KMT2C: variants seen among roughly 807,000 people sequenced by gnomAD.
KMT2C encodes histone-lysine N-methyltransferase 2C.
A neutral mutation model predicts 507.9 loss-of-function variants in KMT2C; 88 were observed. The ratio of observed to expected loss-of-function variants is 0.17; its 90% CI spans 0.15 to 0.21. The LOEUF is 0.21. Among genes scored for constraint, KMT2C ranks in the 10% least tolerant of loss-of-function variants. The pLI is 1.00. For synonymous variants in KMT2C, 2,049 were observed against 2,080.8 expected (o/e 0.98, Z 0.42); for missense variants, 4,954 against 5,957.8 (o/e 0.83, Z 5.55).
chr7:152,344,077 TTGCTTATGTATAAATACATA>T (rs777742796), intron 2 of KMT2C, among the ~76,000 whole-genome samples: 42 of 152,348 alleles, frequency 2.8e-4, no homozygotes, highest in Non-Finnish European at 5.4e-4. Context: ...TCAATTATGA[TTGCTTATGTATAAATACATA>T]TGCTTATGTA....
intron 6 of KMT2C, among the ~76,000 whole-genome samples, chr7:152,303,987 T>C (rs1175558120): frequency 6.6e-6 from 1 of 151,382 alleles, no homozygotes; most frequent in Non-Finnish European, 1.5e-5. Context: ...AGACTATGTC[T>C]CCAAAAACAA....
At chr7:152,310,305 G>A (rs1251345596) in intron 5 of KMT2C, among the ~76,000 whole-genome samples, 1 of 152,200 alleles carries the variant, frequency 6.6e-6, no homozygotes, top group Non-Finnish European at 1.5e-5. Flanking sequence ...TCTGGGTGCA[G>A]TGGCTCACTC....
intron 52 of KMT2C, among the ~76,000 whole-genome samples, chr7:152,147,325 CTTATGACAATGT>C: frequency 6.6e-6 from 1 of 152,114 alleles, no homozygotes; most frequent in African/African-American, 2.4e-5. Context: ...TATACATTGT[CTTATGACAATGT>C]ATACAGTATG....
intron 7 of KMT2C, among the ~76,000 whole-genome samples, chr7:152,269,639 T>C (rs1198883149): frequency 1.3e-5 from 2 of 152,196 alleles, no homozygotes; most frequent in Non-Finnish European, 2.9e-5. Context: ...CCAGGTCTAT[T>C]TGGATTCTAA....
At chr7:152,178,741 T>C (rs1587969296) in intron 37 of KMT2C, among the ~76,000 whole-genome samples, 1 of 151,848 alleles carries the variant, frequency 6.6e-6, no homozygotes, top group African/African-American at 2.4e-5. Context: ...ACAACTAAGG[T>C]AGAAGAAAAG....
chr7:152,262,953 T>C, intron 9 of KMT2C, 63 bp downstream of exon 9: 1 of 1,231,520 alleles, frequency 8.1e-7, no homozygotes, highest in South Asian at 1.4e-5. Flanking sequence ...AGGTATCCGA[T>C]TTGTCTGGTC....
At position 152,169,192 on chromosome 7, in the gene KMT2C, A is replaced by G. The variant is rs200919055; in HGVS notation, c.9511T>C (p.Phe3171Leu). Reference sequence around the variant, plus strand: ...TTATTAGATTTATACTTACTGACAAAGCCTGGACCAAAATTTGGAGGATTA... The same window carrying G: ...TTATTAGATTTATACTTACTGACAAGGCCTGGACCAAAATTTGGAGGATTA... Reference protein sequence around the residue: ...RPNPPNFGPGFVNDSQRKQYE... With the variant: ...RPNPPNFGPGLVNDSQRKQYE... Residue 3171 changes from phenylalanine (F) to leucine (L), a missense_variant, in exon 41 of 59, where the codon TTT becomes CTT. Phe to Leu is a conservative substitution (Grantham distance 22, BLOSUM62 0). Transcript: ENST00000262189. 7.6e-6 allele frequency: 12 copies of G among 1,584,664 alleles called. No homozygotes were observed. The Admixed American group carries it at 1.5e-4, about 20-fold the overall frequency.
intron 7 of KMT2C, among the ~76,000 whole-genome samples, chr7:152,265,493 C>A (rs1202634584): frequency 6.6e-6 from 1 of 152,058 alleles, no homozygotes; most frequent in Admixed American, 6.6e-5. Context: ...ATTCCTAATG[C>A]CAATGATAAT....
intron 2 of KMT2C, among the ~76,000 whole-genome samples, chr7:152,350,349 AG>A (rs1281920105): frequency 6.6e-6 from 1 of 152,242 alleles, no homozygotes; most frequent in Non-Finnish European, 1.5e-5. Flanking sequence ...GTGTGTGTAT[AG>A]ATCTATGTAA....
Position 152,310,037 on chromosome 7 carries a change from G to C in KMT2C, c.778C>G (p.Leu260Val). ...WAHHRCVEWS[L>V]GVCQMEEPLL... ...GGTTCTTCCATCTGGCATACTCCTA[G>C]TGACCACTCCACACAACGGTGATGA... The change falls in exon 6 of 59, where the codon CTA (leucine) becomes GTA (valine). Residue 260 changes from leucine (L) to valine (V), a missense_variant. Leu to Val is a conservative substitution (Grantham distance 32, BLOSUM62 1). Transcript: ENST00000262189. The C allele has an allele frequency of 6.2e-7, 1 of 1,613,812 alleles. No homozygotes were observed. The highest frequency in any genetic ancestry group is 1.3e-5 in the African/African-American group (1 of 74,968).
Position 152,181,874 on chromosome 7 carries a change from T to C in KMT2C, c.5986A>G (p.Lys1996Glu), listed in dbSNP as rs2093445307. Residue 1996 changes from lysine (K) to glutamate (E), a missense_variant, in exon 36 of 59, where the codon AAA becomes GAA. Around this residue, in one of 29 missense-constraint regions of KMT2C, gnomAD observed 1,689 missense variants for 1,654.3 expected, o/e 1.02. Coordinates refer to ENST00000262189, the MANE Select transcript of KMT2C (RefSeq NM_170606.3). ...CTGGTTCCAGCTGCTATAGGGCCTT[T>C]TGCAGTTTGTTCTGAAACTACAGGA... is the stretch of plus-strand genomic sequence containing the variant. Reference protein sequence around the residue: ...RSPVVSEQTAKGPIAAGTSDH... With the variant: ...RSPVVSEQTAEGPIAAGTSDH... 1 of 1,614,194 alleles carries C rather than the reference T, an allele frequency of 6.2e-7. No homozygotes were observed. The highest frequency in any genetic ancestry group is 8.5e-7 in the Non-Finnish European group (1 of 1,180,034).
intron 19 of KMT2C, 57 bp from the exon 20 acceptor site, chr7:152,224,236 C>G: frequency 3.9e-6 from 6 of 1,531,438 alleles, no homozygotes; most frequent in Non-Finnish European, 5.4e-6. Context: ...TACTCAGTTA[C>G]TGTAATTCAG....
rs1215200918 is a variant in KMT2C, at chr7:152,290,280, ATATATATATATATATTTTTTTTT to A, written c.850-16436_850-16414del. ...TGTGTATATATATATATATATATATATATATATATATATATTTTTTTTTTTTTTTTTTTTTTTTTTTTTTGTCT... is the reference window on the plus strand; with the variant it reads ...TGTGTATATATATATATATATATATATTTTTTTTTTTTTTTTTTTTTGTCT... On this transcript the variant is annotated intron_variant, in intron 6 of 58. Transcript: ENST00000262189. 6.6e-4 allele frequency among the ~76,000 whole-genome samples: 21 copies of A among 31,938 alleles called. 1 individual carries two copies. Among genetic ancestry groups the A allele is most frequent in the African/African-American group, 2.5e-3 (19 of 7,500 alleles). 21.0% of individuals were successfully genotyped at this position (31,938 alleles called of 152,430 possible).
At chr7:152,257,006 T>C (rs1306595075) in intron 9 of KMT2C, among the ~76,000 whole-genome samples, 1 of 152,184 alleles carries the variant, frequency 6.6e-6, no homozygotes, top group African/African-American at 2.4e-5. Flanking sequence ...CTTCTAGGAA[T>C]TTACCCTACA....
Position 152,417,102 on chromosome 7 carries a change from T to C in KMT2C, c.161+18524A>G, listed in dbSNP as rs1260231588. On this transcript the variant is annotated intron_variant, in intron 1 of 58. Coordinates refer to ENST00000262189, the MANE Select transcript of KMT2C (RefSeq NM_170606.3). ...ATTTATCTCAAAAAAAGAGTTTATATTTATTGCTTGCTAAGGCATCAAATA... is the reference window on the plus strand; with the variant it reads ...ATTTATCTCAAAAAAAGAGTTTATACTTATTGCTTGCTAAGGCATCAAATA... 2.0e-5 allele frequency among the ~76,000 whole-genome samples: 3 copies of C among 151,402 alleles called. No individual in the cohort carries two copies. In the East Asian group the frequency reaches 5.8e-4, roughly 29 times the overall value.
At chr7:152,143,694 GAGGAAAGCAATCA>G (rs1323485027) in intron 55 of KMT2C, among the ~76,000 whole-genome samples, 1 of 152,232 alleles carries the variant, frequency 6.6e-6, no homozygotes, top group Non-Finnish European at 1.5e-5. Flanking sequence ...CTCATCAAGG[GAGGAAAGCAATCA>G]ACAAAAAGAC....
chr7:152,169,385 T>G, intron 40 of KMT2C, 136 bp from the exon 41 acceptor site: 1 of 621,414 alleles, frequency 1.6e-6, no homozygotes, highest in Non-Finnish European at 2.8e-6. Flanking sequence ...TTAAAGGTTT[T>G]TTTATAAAAA....
chr7:152,141,076 C>G (rs1235483474), intron 55 of KMT2C, among the ~76,000 whole-genome samples: 1 of 151,750 alleles, frequency 6.6e-6, no homozygotes, highest in Non-Finnish European at 1.5e-5. Context: ...CCCGTCTCTA[C>G]TAAAAATACA....
chr7:152,175,976 G>A lies in KMT2C; in HGVS notation c.9262+215C>T, dbSNP rs563563323. ...GAGAATCACTTGAACCCAGGAGGTGGAGGTTGCTGTGAGCCGAGATCGCGC... is the reference window on the plus strand; with the variant it reads ...GAGAATCACTTGAACCCAGGAGGTGAAGGTTGCTGTGAGCCGAGATCGCGC... On this transcript the variant is annotated intron_variant, in intron 38 of 58. Transcript: ENST00000262189. Among the ~76,000 whole-genome samples, 11 of 152,260 alleles carry A rather than the reference G, an allele frequency of 7.2e-5. No individual in the cohort carries two copies. The South Asian group carries it at 2.3e-3, about 32-fold the overall frequency.
Sources: gnomAD v4.1 joint callset for allele counts (sites outside exome capture counted in the v4.1 genomes callset) on GRCh38, gnomAD v4.1.1 for gene constraint, gnomAD v4.1.1 regional missense constraint, MANE v1.5 for transcripts, NCBI Gene and HGNC (gene_info 2026-07-23, HGNC 2026-07-21) for gene names.